PDE1C: variants seen among roughly 807,000 people sequenced by gnomAD.
PDE1C encodes the protein phosphodiesterase 1C.
A neutral mutation model predicts 93.1 loss-of-function variants in PDE1C; 62 were observed. The observed-to-expected ratio is 0.67, with a 90% CI of 0.54 to 0.82. The LOEUF is 0.82. Ranked by LOEUF, PDE1C falls within the 40% of genes least tolerant of loss-of-function variation. The pLI, the probability that PDE1C is intolerant of heterozygous loss-of-function variation, is 0.00. For missense variants in PDE1C, 742 were observed against 884.6 expected (o/e 0.84, Z 2.04); for synonymous variants, 325 against 310.1 (o/e 1.05, Z -0.50).
At chr7:31,985,139 C>G (rs998892927) in intron 2 of PDE1C, among the ~76,000 whole-genome samples, 2 of 152,116 alleles carry the variant, frequency 1.3e-5, no homozygotes, top group Admixed American at 1.3e-4. Flanking sequence ...GGTTTATCAG[C>G]GCACGGACAA....
chr7:31,741,048 A>G, the PDE1C span, among the ~76,000 whole-genome samples: 1 of 108,808 alleles, frequency 9.2e-6, no homozygotes, highest in Non-Finnish European at 2.0e-5. Context: ...GCCAACAGAC[A>G]AAGACCCTGT....
the PDE1C span, among the ~76,000 whole-genome samples, chr7:31,633,586 A>T: frequency 1.3e-5 from 2 of 152,156 alleles, no homozygotes; most frequent in African/African-American, 4.8e-5. Context: ...ACTACCGCCC[A>T]TTGTCCTGAA....
chr7:32,278,715 T>A (rs1267999495), intron 1 of PDE1C, among the ~76,000 whole-genome samples: 1 of 152,152 alleles, frequency 6.6e-6, no homozygotes, highest in African/African-American at 2.4e-5. Context: ...AAAGTTATGA[T>A]CCAGTAATTT....
chr7:31,724,643 A>G, the PDE1C span, among the ~76,000 whole-genome samples: 15 of 152,350 alleles, frequency 9.8e-5, no homozygotes, highest in South Asian at 3.1e-3. Context: ...AGTTTCTAGT[A>G]GGAAAGACTG....
chr7:32,252,213 C>T (rs1409954125), intron 1 of PDE1C, among the ~76,000 whole-genome samples: 2 of 152,204 alleles, frequency 1.3e-5, no homozygotes, highest in Non-Finnish European at 2.9e-5. Flanking sequence ...TTTTCCAAAA[C>T]AGTCTTCATT....
chr7:32,223,782 T>C (rs1459255176), intron 1 of PDE1C, among the ~76,000 whole-genome samples: 2 of 152,214 alleles, frequency 1.3e-5, no homozygotes, highest in East Asian at 3.8e-4. Flanking sequence ...GCCTATTTTA[T>C]ATTAGCACCT....
At chr7:32,038,170 G>T (rs555151815) in intron 2 of PDE1C, among the ~76,000 whole-genome samples, 1 of 152,188 alleles carries the variant, frequency 6.6e-6, no homozygotes, top group East Asian at 1.9e-4. Context: ...AAAAGGGTTG[G>T]ATTTCTTCTT....
At chr7:32,239,636 G>A (rs762027009) in intron 1 of PDE1C, among the ~76,000 whole-genome samples, 34 of 152,066 alleles carry the variant, frequency 2.2e-4, no homozygotes, top group Non-Finnish European at 4.1e-4. Flanking sequence ...TAATAATCAG[G>A]AAAATGAAAA....
intron 1 of PDE1C, among the ~76,000 whole-genome samples, chr7:32,390,397 G>C (rs2128092889): frequency 6.6e-6 from 1 of 152,182 alleles, no homozygotes; most frequent in East Asian, 1.9e-4. Context: ...ACAACCTGGG[G>C]GCGCTACTGG....
At chr7:31,841,901 C>A (rs1045977153) in intron 9 of PDE1C, among the ~76,000 whole-genome samples, 9 of 152,038 alleles carry the variant, frequency 5.9e-5, no homozygotes, top group African/African-American at 2.2e-4. Context: ...CCAGGAGGAG[C>A]CATTGTTTTA....
the PDE1C span, among the ~76,000 whole-genome samples, chr7:31,625,588 C>G: frequency 6.6e-6 from 1 of 151,500 alleles, no homozygotes; most frequent in Non-Finnish European, 1.5e-5. Flanking sequence ...CACATGGACA[C>G]AGGAGAGGGA....
intron 3 of PDE1C, among the ~76,000 whole-genome samples, chr7:32,091,054 T>G (rs1797442336): frequency 6.6e-6 from 1 of 152,242 alleles, no homozygotes; most frequent in Admixed American, 6.5e-5. Context: ...CATTACATCC[T>G]CTTTACAGCT....
intron 2 of PDE1C, among the ~76,000 whole-genome samples, chr7:32,180,252 T>C (rs1259819551): frequency 6.6e-6 from 1 of 152,198 alleles, no homozygotes; most frequent in Non-Finnish European, 1.5e-5. Flanking sequence ...TGCAAAAAGA[T>C]TTGAAAATTT....
intron 6 of PDE1C, among the ~76,000 whole-genome samples, chr7:31,871,337 A>G (rs1795930277): frequency 6.6e-6 from 1 of 151,996 alleles, no homozygotes; most frequent in South Asian, 2.1e-4. Flanking sequence ...CACCTCAAAA[A>G]CACAGGCAAT....
At chr7:32,012,616 G>A (rs1455411189) in intron 2 of PDE1C, among the ~76,000 whole-genome samples, 1 of 152,146 alleles carries the variant, frequency 6.6e-6, no homozygotes, top group African/African-American at 2.4e-5. Context: ...AGGCATATGG[G>A]GGAGAGGGAG....
the PDE1C span, among the ~76,000 whole-genome samples, chr7:31,737,150 A>AT: frequency 4.3e-4 from 65 of 150,070 alleles, no homozygotes; most frequent in African/African-American, 1.2e-3. Flanking sequence ...TTTTATTTTT[A>AT]TTTTTTTTTG....
the PDE1C span, among the ~76,000 whole-genome samples, chr7:31,699,904 A>C: frequency 1.3e-5 from 2 of 151,986 alleles, no homozygotes; most frequent in Non-Finnish European, 2.9e-5. Context: ...CTGTTAACTT[A>C]ATCTATAAGT....
chr7:32,317,405 C>T (rs370646930), intron 1 of PDE1C, among the ~76,000 whole-genome samples: 12 of 152,180 alleles, frequency 7.9e-5, no homozygotes, highest in Admixed American at 3.3e-4. Flanking sequence ...AATGGAGACC[C>T]GTCCTCTCAA....
intron 1 of PDE1C, among the ~76,000 whole-genome samples, chr7:32,357,347 A>T (rs1037805220): frequency 1.4e-4 from 22 of 151,908 alleles, no homozygotes; most frequent in Admixed American, 2.6e-4. Flanking sequence ...CAAAAAAAAA[A>T]CCTTTAAGTG....
Sources: gnomAD v4.1 joint callset for allele counts (sites outside exome capture counted in the v4.1 genomes callset) on GRCh38, gnomAD v4.1.1 for gene constraint, MANE v1.5 for transcripts, NCBI Gene and HGNC (gene_info 2026-07-23, HGNC 2026-07-21) for gene names.